The following TMTC2 variants were observed in gnomAD, a reference collection of about 807,000 sequenced individuals.
TMTC2 encodes the protein protein O-mannosyl-transferase TMTC2.
A neutral mutation model predicts 82.4 loss-of-function variants in TMTC2; 43 were observed. The observed-to-expected ratio is 0.52, with a 90% confidence interval of 0.41 to 0.67. TMTC2 has a LOEUF of 0.67. TMTC2 is among the 30% of genes least tolerant of loss of function. The pLI is 0.00. For synonymous variants in TMTC2, 408 were observed against 381.9 expected, an observed-to-expected ratio of 1.07 and a Z score of -0.80; for missense variants, 919 against 1,012.4, an observed-to-expected ratio of 0.91 and a Z score of 1.25.
intron 11 of TMTC2, among the ~76,000 whole-genome samples, chr12:83,073,256 A>T (rs1049973242): frequency 2.0e-5 from 3 of 152,154 alleles, no homozygotes; most frequent in Non-Finnish European, 2.9e-5. Context: ...TGCTGGATAC[A>T]AAATTCTTGG....
intron 1 of TMTC2, among the ~76,000 whole-genome samples, chr12:82,733,129 T>C (rs192414528): frequency 6.6e-6 from 1 of 152,346 alleles, no homozygotes. Context: ...ACGTAAATAC[T>C]GTTAAGAAAG....
At chr12:83,122,397 G>A (rs1351749404) in intron 11 of TMTC2, among the ~76,000 whole-genome samples, 1 of 151,596 alleles carries the variant, frequency 6.6e-6, no homozygotes, top group Non-Finnish European at 1.5e-5. Flanking sequence ...TTCTCCCTGG[G>A]GCCTTTTCCC....
At chr12:82,834,731 C>T (rs1470935117) in intron 1 of TMTC2, among the ~76,000 whole-genome samples, 1 of 152,172 alleles carries the variant, frequency 6.6e-6, no homozygotes, top group Admixed American at 6.5e-5. Context: ...TCTTTCCCAA[C>T]AGTTCCCTAA....
At chr12:83,017,157 G>A (rs1212724767) in intron 8 of TMTC2, among the ~76,000 whole-genome samples, 3 of 152,150 alleles carry the variant, frequency 2.0e-5, no homozygotes, top group Admixed American at 2.0e-4. Context: ...CTTAGGGAAT[G>A]GACAGCTGAG....
intron 7 of TMTC2, among the ~76,000 whole-genome samples, chr12:82,967,229 A>C (rs1878252208): frequency 6.6e-6 from 1 of 152,158 alleles, no homozygotes; most frequent in African/African-American, 2.4e-5. Flanking sequence ...GAATTATTGC[A>C]AGGGACTCTC....
chr12:82,856,500 C>T (rs1871264736), intron 1 of TMTC2, among the ~76,000 whole-genome samples: 1 of 152,270 alleles, frequency 6.6e-6, no homozygotes, highest in Middle Eastern at 3.4e-3. Flanking sequence ...CCCAGGCCTA[C>T]TGAATCAGAA....
chr12:83,123,106 G>A (rs953969582), intron 11 of TMTC2, among the ~76,000 whole-genome samples: 1 of 152,180 alleles, frequency 6.6e-6, no homozygotes, highest in African/African-American at 2.4e-5. Context: ...CCATAGAAAT[G>A]TATAACACCC....
chr12:82,771,206 CA>C (rs56743424), intron 1 of TMTC2, among the ~76,000 whole-genome samples: 4,486 of 86,988 alleles, frequency 0.052, 158 homozygotes, highest in African/African-American at 0.15. Context: ...GACTCTGTCT[CA>C]AAAAAAAAAA....
At chr12:83,023,738 G>A (rs1299799444) in intron 8 of TMTC2, among the ~76,000 whole-genome samples, 1 of 152,186 alleles carries the variant, frequency 6.6e-6, no homozygotes, top group African/African-American at 2.4e-5. Context: ...TCTGGATGTT[G>A]TCCTTGAACA....
chr12:83,086,856 C>T (rs1321993748), intron 11 of TMTC2, among the ~76,000 whole-genome samples: 2 of 152,162 alleles, frequency 1.3e-5, no homozygotes, highest in Non-Finnish European at 2.9e-5. Context: ...GGTAAAGCAT[C>T]TTGGCTCACA....
chr12:82,696,963 CGTAT>C (rs1480851267), intron 1 of TMTC2, among the ~76,000 whole-genome samples: 3 of 121,348 alleles, frequency 2.5e-5, no homozygotes, highest in Admixed American at 8.5e-5. Context: ...TACATACATA[CGTAT>C]ATATATATAT....
At chr12:82,810,598 T>C (rs905211371) in intron 1 of TMTC2, among the ~76,000 whole-genome samples, 4 of 152,054 alleles carry the variant, frequency 2.6e-5, no homozygotes, top group Non-Finnish European at 5.9e-5. Context: ...AAATTAACTG[T>C]TTTTCATTCA....
At chr12:83,017,249 A>T (rs542095103) in intron 8 of TMTC2, among the ~76,000 whole-genome samples, 1 of 152,302 alleles carries the variant, frequency 6.6e-6, no homozygotes, top group South Asian at 2.1e-4. Context: ...TGAAGCCATC[A>T]TTTGACTCAT....
intron 8 of TMTC2, among the ~76,000 whole-genome samples, chr12:82,992,938 G>A (rs1358766443): frequency 6.6e-6 from 1 of 152,088 alleles, no homozygotes; most frequent in Non-Finnish European, 1.5e-5. Flanking sequence ...GGCCACATGA[G>A]ATAATTTCAG....
chr12:83,040,646 A>T (rs941968375), intron 9 of TMTC2, among the ~76,000 whole-genome samples: 1 of 151,392 alleles, frequency 6.6e-6, no homozygotes, highest in Middle Eastern at 3.4e-3. Context: ...TCACCTAGGA[A>T]GGCTGGTCAA....
intron 2 of TMTC2, among the ~76,000 whole-genome samples, chr12:82,865,058 C>CAAA (rs1373298523): frequency 0.048 from 4,045 of 84,324 alleles, 260 homozygotes; most frequent in African/African-American, 0.13. Flanking sequence ...ACTAAAAATA[C>CAAA]AAAAAAAAAA....
intron 11 of TMTC2, among the ~76,000 whole-genome samples, chr12:83,083,048 C>A (rs566034711): frequency 6.6e-6 from 1 of 152,304 alleles, no homozygotes; most frequent in African/African-American, 2.4e-5. Context: ...CATTCATCCA[C>A]TCTGTAAAAG....
chr12:82,857,143 T>G lies in TMTC2; in HGVS notation c.217T>G (p.Phe73Val). Residue 73 changes from phenylalanine to valine, a missense_variant, in exon 2 of 12, where the codon TTT (phenylalanine) becomes GTT (valine). By Grantham distance (50) the Phe-to-Val change is conservative. Transcript: ENST00000321196. ...CTACCGGCCACTCTGCACTCTTTCT[T>G]TTCGCCTGAACCATGCCATTGGAGG... The part of the protein sequence containing the change: ...KSYRPLCTLS[F>V]RLNHAIGGLN... 1 of 1,614,168 alleles carries G rather than the reference T, an allele frequency of 6.2e-7. No individual in the cohort carries two copies. Among genetic ancestry groups the G allele is most frequent in the Non-Finnish European group, 8.5e-7 (1 of 1,180,038 alleles).
intron 11 of TMTC2, among the ~76,000 whole-genome samples, chr12:83,080,355 A>G (rs942918220): frequency 1.3e-5 from 2 of 152,106 alleles, no homozygotes; most frequent in African/African-American, 4.8e-5. Context: ...CCACTACTAC[A>G]GATTCACCTT....
Sources: allele counts gnomAD v4.1 joint callset (sites outside exome capture counted in the v4.1 genomes callset), GRCh38; gene constraint gnomAD v4.1.1; transcripts MANE v1.5; gene names NCBI Gene and HGNC (gene_info 2026-07-23, HGNC 2026-07-21).